CYTH3: variants seen among roughly 807,000 people sequenced by gnomAD.
CYTH3 encodes cytohesin 3, also known as cytohesin-3.
A neutral mutation model predicts 55.1 loss-of-function variants in CYTH3; 23 were observed. That is an observed-to-expected ratio of 0.42 (90% CI 0.30 to 0.59). The LOEUF (loss-of-function observed/expected upper bound fraction) is 0.59, where lower values mean the gene tolerates loss of function less well. Among genes scored for constraint, CYTH3 ranks in the 20% least tolerant of loss-of-function variants. The pLI, the probability that CYTH3 is intolerant of heterozygous loss-of-function variation, is 0.20. For synonymous variants in CYTH3, 249 were observed against 194.9 expected, an observed-to-expected ratio of 1.28 and a Z score of -2.31; for missense variants, 413 against 524.8, an observed-to-expected ratio of 0.79 and a Z score of 2.08.
At chr7:6,262,531 C>G (rs531032313) in intron 1 of CYTH3, among the ~76,000 whole-genome samples, 5 of 152,286 alleles carry the variant, frequency 3.3e-5, no homozygotes, top group Non-Finnish European at 7.4e-5. Context: ...GACTTCTCCA[C>G]AGAATCAGTG....
chr7:6,171,057 C>T lies in CYTH3; in HGVS notation c.563-79G>A. ...ACCCCGCGTGCTGGGGGCCCGCCTG[C>T]AAGAGGTGCCCGGCCCACAGGTCGT... On this transcript the variant is annotated intron_variant, in intron 7 of 12. Coordinates refer to ENST00000350796, the MANE Select transcript of CYTH3 (RefSeq NM_004227.4). This position sits in a 1 kb window ranked among gnomAD's most constrained non-coding sequence, Gnocchi z 6.7. 6.3e-6 allele frequency: 10 copies of T among 1,596,278 alleles called. No homozygotes were observed. The highest frequency in any genetic ancestry group is 8.6e-6 in the Non-Finnish European group (10 of 1,168,176).
Position 6,170,424 on chromosome 7 carries a change from C to T in CYTH3, c.823+111G>A, listed in dbSNP as rs1201728086. The T allele has an allele frequency of 2.0e-6, 2 of 991,198 alleles. No individual in the cohort carries two copies. The highest frequency in any genetic ancestry group is 3.0e-6 in the Non-Finnish European group (2 of 673,870). 61.4% of individuals were successfully genotyped at this position (991,198 alleles called of 1,614,324 possible). ...CTGGCTTAACCGCGTTTCTTTTTAACGTCTCTGCCTGCGGTGGGGGGCATT... is the reference window on the plus strand; with the variant it reads ...CTGGCTTAACCGCGTTTCTTTTTAATGTCTCTGCCTGCGGTGGGGGGCATT... On this transcript the variant is annotated intron_variant, in intron 9 of 12. Transcript: ENST00000350796. The surrounding 1 kb of genome is among the most constrained non-coding windows in gnomAD (Gnocchi z 7.8).
chr7:6,170,729 G>C lies in CYTH3; in HGVS notation c.712-83C>G. ...GCAGAAAGCTCAGCGGGACCAGGGC[G>C]GCAAGGAGGCTTGGGAGGCGTGTCT... is the stretch of plus-strand genomic sequence containing the variant. On this transcript the variant is annotated intron_variant, in intron 8 of 12. Coordinates refer to ENST00000350796, the MANE Select transcript of CYTH3 (RefSeq NM_004227.4). This position sits in a 1 kb window ranked among gnomAD's most constrained non-coding sequence, Gnocchi z 7.8. The C allele has an allele frequency of 6.4e-7, 1 of 1,566,902 alleles. No homozygotes were observed. Among genetic ancestry groups the C allele is most frequent in the Non-Finnish European group, 8.7e-7 (1 of 1,153,714 alleles).
rs1189156962 is a variant in CYTH3 at position 6,170,913 on chromosome 7, G to A, written c.628C>T (p.Arg210Cys). The change falls in exon 8 of 13, where the codon CGT becomes TGT. Residue 210 changes from arginine to cysteine, a missense_variant. By Grantham distance (180) the Arg-to-Cys change is radical. Transcript: ENST00000350796. The surrounding 1 kb of genome is among the most constrained non-coding windows in gnomAD (Gnocchi z 7.8). ...AACCGTTCTGCCGTGGGCTTGTCACGCACGTTGTGGTTGTGGAGGCTGGTG... is the reference window on the plus strand; with the variant it reads ...AACCGTTCTGCCGTGGGCTTGTCACACACGTTGTGGTTGTGGAGGCTGGTG... ...LNTSLHNHNV[R>C]DKPTAERFIA... The A allele has an allele frequency of 2.5e-6, 4 of 1,614,006 alleles. No homozygotes were observed. Among genetic ancestry groups the A allele is most frequent in the East Asian group, 2.2e-5 (1 of 44,866 alleles).
At chr7:6,213,697 C>G (rs186227188) in intron 1 of CYTH3, among the ~76,000 whole-genome samples, 1 of 151,940 alleles carries the variant, frequency 6.6e-6, no homozygotes, top group East Asian at 1.9e-4. Flanking sequence ...GTGCTCTCTT[C>G]GGGTGTCTGA....
intron 1 of CYTH3, among the ~76,000 whole-genome samples, chr7:6,202,171 C>G (rs1332606389): frequency 6.6e-6 from 1 of 152,182 alleles, no homozygotes; most frequent in African/African-American, 2.4e-5. Context: ...AAGGTCTTGT[C>G]CCTCCCCTGT....
intron 4 of CYTH3, among the ~76,000 whole-genome samples, chr7:6,179,219 C>G (rs759297718): frequency 2.0e-5 from 3 of 152,126 alleles, no homozygotes; most frequent in Admixed American, 6.5e-5. Context: ...TGAACACTCA[C>G]AAGAATGAAT....
chr7:6,234,460 C>T (rs890093392), intron 1 of CYTH3, among the ~76,000 whole-genome samples: 2 of 152,156 alleles, frequency 1.3e-5, no homozygotes, highest in African/African-American at 2.4e-5. Context: ...AAAAGGAACA[C>T]GATTTACTGA....
intron 1 of CYTH3, among the ~76,000 whole-genome samples, chr7:6,198,772 GC>G (rs1783996225): frequency 7.7e-6 from 1 of 129,320 alleles, no homozygotes; most frequent in Admixed American, 7.3e-5. Flanking sequence ...CAATAAAGCT[GC>G]TAAAAAAAAA....
intron 1 of CYTH3, among the ~76,000 whole-genome samples, chr7:6,257,572 A>T (rs939933102): frequency 6.6e-6 from 1 of 152,204 alleles, no homozygotes; most frequent in Non-Finnish European, 1.5e-5. Context: ...TGTTTTATTA[A>T]AAGGGGAGAA....
At chr7:6,205,646 A>G (rs1241116370) in intron 1 of CYTH3, among the ~76,000 whole-genome samples, 1 of 152,132 alleles carries the variant, frequency 6.6e-6, no homozygotes, top group African/African-American at 2.4e-5. Context: ...TAAAGCTAGA[A>G]CAACTTAGAA....
intron 1 of CYTH3, among the ~76,000 whole-genome samples, chr7:6,195,228 TAAG>T (rs1482604569): frequency 1.3e-5 from 2 of 152,058 alleles, no homozygotes; most frequent in Non-Finnish European, 2.9e-5. Flanking sequence ...CGATATAAAT[TAAG>T]AACACAATGT....
At chr7:6,263,790 C>T (rs548578113) in intron 1 of CYTH3, among the ~76,000 whole-genome samples, 2 of 145,098 alleles carry the variant, frequency 1.4e-5, no homozygotes, top group African/African-American at 5.2e-5. Flanking sequence ...AGAGTGAGGA[C>T]ACTAACTTCA....
At chr7:6,197,019 A>G (rs1265261848) in intron 1 of CYTH3, among the ~76,000 whole-genome samples, 2 of 152,138 alleles carry the variant, frequency 1.3e-5, no homozygotes, top group Non-Finnish European at 1.5e-5. Context: ...CTCTCCTCCT[A>G]CCCTAAAGAT....
intron 1 of CYTH3, among the ~76,000 whole-genome samples, chr7:6,195,452 C>T (rs564808286): frequency 1.1e-4 from 17 of 152,018 alleles, no homozygotes; most frequent in African/African-American, 3.9e-4. Flanking sequence ...CTGTGGTTTT[C>T]TTTTTCTTTT....
intron 1 of CYTH3, among the ~76,000 whole-genome samples, chr7:6,224,429 T>C (rs888313517): frequency 3.3e-5 from 5 of 152,080 alleles, no homozygotes; most frequent in African/African-American, 1.2e-4. Flanking sequence ...CTGGGACAAC[T>C]GGACATCCGC....
At chr7:6,221,592 A>C (rs1489101055) in intron 1 of CYTH3, among the ~76,000 whole-genome samples, 1 of 152,218 alleles carries the variant, frequency 6.6e-6, no homozygotes, top group Non-Finnish European at 1.5e-5. Context: ...ACTGTATTGC[A>C]GTTACATAAG....
At chr7:6,244,365 T>C (rs1410130403) in intron 1 of CYTH3, among the ~76,000 whole-genome samples, 3 of 152,264 alleles carry the variant, frequency 2.0e-5, no homozygotes, top group East Asian at 1.9e-4. Flanking sequence ...TACAGACTAA[T>C]TGCTTTTAGA....
chr7:6,164,822 T>C lies in CYTH3; in HGVS notation c.*122A>G. 8.9e-7 allele frequency: 1 copy of C among 1,123,616 alleles called. No individual in the cohort carries two copies. Among genetic ancestry groups the C allele is most frequent in the Non-Finnish European group, 1.3e-6 (1 of 750,514 alleles). The allele number at this position is 1,123,616 out of a possible 1,614,324, so 69.6% of individuals were successfully genotyped here. A position where few individuals can be genotyped will look rare whatever the true frequency, so the allele number is the denominator to read the frequency against. ...GGATACCACCTGGGCCACGGTATGC[T>C]CTGGAGCAGCAGCTTGCACCGCAGG... On this transcript the variant is annotated 3_prime_UTR_variant, in exon 13 of 13. Coordinates refer to ENST00000350796, the MANE Select transcript of CYTH3 (RefSeq NM_004227.4).
Sources: allele counts gnomAD v4.1 joint callset (sites outside exome capture counted in the v4.1 genomes callset), GRCh38; gene constraint gnomAD v4.1.1; non-coding constraint Gnocchi (gnomAD v3.1); transcripts MANE v1.5; gene names NCBI Gene and HGNC (gene_info 2026-07-23, HGNC 2026-07-21).